Variants in C5orf22 observed in about 807,000 individuals in gnomAD.
The protein encoded by C5orf22 is chromosome 5 open reading frame 22.
Under a neutral mutation model 48.7 loss-of-function variants are expected in C5orf22, and 36 were observed. The observed-to-expected ratio is 0.74, with a 90% CI of 0.57 to 0.98. The LOEUF (loss-of-function observed/expected upper bound fraction) is 0.98, where lower values mean the gene tolerates loss of function less well. Among genes scored for constraint, C5orf22 ranks in the 50% least tolerant of loss-of-function variants. The pLI, the probability that C5orf22 is intolerant of heterozygous loss-of-function variation, is 0.00. For missense variants in C5orf22, 486 were observed against 521.9 expected (o/e 0.93, Z 0.67); for synonymous variants, 141 against 180.8 (o/e 0.78, Z 1.76).
Position 31,545,673 on chromosome 5 carries a change from G to C in C5orf22, c.1020G>C (p.Gln340His). 1 of 1,610,896 alleles carries C rather than the reference G, an allele frequency of 6.2e-7. No individual in the cohort carries two copies. The change falls in exon 7 of 9, where the codon CAG (glutamine) becomes CAC (histidine). Residue 340 changes from glutamine to histidine, a missense_variant. Physicochemically the swap from Gln to His is conservative, Grantham distance 24. Coordinates refer to ENST00000325366, the MANE Select transcript of C5orf22 (RefSeq NM_018356.3). The part of the protein sequence containing the change: ...PGMESLVPLV[Q>H]SLKKRMEVPD... ...TGGAATCACTAGTTCCCCTTGTACAGAGTTTGAAAAAACGGATGGAAGTAC... is the reference window on the plus strand; with the variant it reads ...TGGAATCACTAGTTCCCCTTGTACACAGTTTGAAAAAACGGATGGAAGTAC...
chr5:31,541,231 G>T lies in C5orf22; in HGVS notation c.871-50G>T. ...TTTTTTTTGTAATGGGATGTTGCTT[G>T]TTTTTTGAAAGAATAACTATATAAT... On this transcript the variant is annotated intron_variant, in intron 5 of 8. Transcript: ENST00000325366. The T allele has an allele frequency of 6.4e-7, 1 of 1,568,372 alleles. No individual in the cohort carries two copies. Among genetic ancestry groups the T allele is most frequent in the African/African-American group, 1.4e-5 (1 of 73,096 alleles).
Position 31,532,331 on chromosome 5 carries a change from C to G in C5orf22, c.-62C>G. On this transcript the variant is annotated 5_prime_UTR_variant, in exon 1 of 9. Coordinates refer to ENST00000325366, the MANE Select transcript of C5orf22 (RefSeq NM_018356.3). ...GAGAGAGCTGGCCGGGATGAGGCGC[C>G]GGCTTTCCCGGGTCTTCTCCAGCTG... The G allele has an allele frequency of 6.4e-7, 1 of 1,565,396 alleles. No individual in the cohort carries two copies. The highest frequency in any genetic ancestry group is 8.8e-7 in the Non-Finnish European group (1 of 1,136,860).
intron 7 of C5orf22, among the ~76,000 whole-genome samples, chr5:31,549,751 C>T (rs1419045760): frequency 1.3e-5 from 2 of 152,032 alleles, no homozygotes; most frequent in Non-Finnish European, 2.9e-5. Context: ...TGGTGCACAC[C>T]TGTAGTCCCA....
rs949763554 is a variant in C5orf22, at chr5:31,539,778, C to T, written c.807+1089C>T. On this transcript the variant is annotated intron_variant, in intron 4 of 8. Transcript: ENST00000325366. ...CATGTTCAGGCTGGGCATGGTGGCT[C>T]ATGCGTATAATCCCAGCACTTTGGG... Among the ~76,000 whole-genome samples the T allele has an allele frequency of 3.3e-5, 5 of 151,790 alleles. No individual in the cohort carries two copies. In the East Asian group the frequency reaches 7.7e-4, roughly 23 times the overall value.
chr5:31,534,989 A>T (rs1315260067), intron 2 of C5orf22: 2 of 455,096 alleles, frequency 4.4e-6, no homozygotes, highest in Non-Finnish European at 4.4e-6. Context: ...CTATTTCTGC[A>T]TTTAGTCCAT....
chr5:31,549,486 G>T (rs1234342551), intron 7 of C5orf22, among the ~76,000 whole-genome samples: 1 of 151,678 alleles, frequency 6.6e-6, no homozygotes, highest in Admixed American at 6.6e-5. Context: ...TTTCCCCTGG[G>T]AGCATATATT....
intron 2 of C5orf22, chr5:31,534,866 AG>A (rs1269711746): frequency 1.1e-5 from 4 of 373,710 alleles, no homozygotes; most frequent in Non-Finnish European, 2.1e-5. Flanking sequence ...CAACATAACC[AG>A]ACCCCATCTC....
At chr5:31,537,594 G>A (rs1462201735) in intron 3 of C5orf22, among the ~76,000 whole-genome samples, 1 of 152,172 alleles carries the variant, frequency 6.6e-6, no homozygotes, top group Non-Finnish European at 1.5e-5. Context: ...TTCACTGTTT[G>A]AAGTATTTAC....
At chr5:31,541,978 T>C (rs1455231447) in intron 6 of C5orf22, among the ~76,000 whole-genome samples, 2 of 152,108 alleles carry the variant, frequency 1.3e-5, no homozygotes, top group Non-Finnish European at 2.9e-5. Flanking sequence ...CCAAGTCACA[T>C]AGTAAGTGGG....
chr5:31,548,421 T>C (rs913417687), intron 7 of C5orf22: 1 of 309,338 alleles, frequency 3.2e-6, no homozygotes, highest in African/African-American at 2.2e-5. Context: ...GTTCCACACA[T>C]CTCTAGGGCA....
rs1742254121 is a variant in C5orf22, at chr5:31,538,534, C to G, written c.652C>G (p.Pro218Ala). 1 of 1,613,998 alleles carries G rather than the reference C, an allele frequency of 6.2e-7. No individual in the cohort carries two copies. The highest frequency in any genetic ancestry group is 1.3e-5 in the African/African-American group (1 of 74,918). The stretch of plus-strand genomic sequence containing the variant: ...GAGAAGTGACCAGACTTGCCTAGAA[C>G]CATCATGTTCATGTTCTTCTGAAAA... ...TQRSDQTCLEPSCSCSSENQE... is the reference protein window; with the variant it reads ...TQRSDQTCLEASCSCSSENQE... The change falls in exon 4 of 9, where the codon CCA becomes GCA. Residue 218 changes from proline (P) to alanine (A), a missense_variant. Coordinates refer to ENST00000325366, the MANE Select transcript of C5orf22 (RefSeq NM_018356.3).
chr5:31,535,060 T>C (rs1251173075), intron 2 of C5orf22: 3 of 449,958 alleles, frequency 6.7e-6, no homozygotes, highest in African/African-American at 4.0e-5. Context: ...AGGCATGTAA[T>C]TGGAAAAGGA....
intron 6 of C5orf22, among the ~76,000 whole-genome samples, chr5:31,541,862 AAG>A (rs1742490377): frequency 6.6e-6 from 1 of 152,206 alleles, no homozygotes; most frequent in Non-Finnish European, 1.5e-5. Context: ...CCCTTTATCT[AAG>A]ATTTTTCCTT....
chr5:31,534,474 A>G (rs1741955292), intron 2 of C5orf22, 57 bp downstream of exon 2: 1 of 1,463,616 alleles, frequency 6.8e-7, no homozygotes, highest in African/African-American at 1.4e-5. Flanking sequence ...TGCAGTAGAT[A>G]ATAAGCAATT....
chr5:31,548,076 C>T (rs1281487105), intron 7 of C5orf22, among the ~76,000 whole-genome samples: 3 of 152,100 alleles, frequency 2.0e-5, no homozygotes, highest in East Asian at 1.9e-4. Context: ...CCAAGGCTGG[C>T]GGATCATTTG....
In C5orf22 at chr5:31,554,250, C is replaced by T. The variant is rs1286514628; in HGVS notation, c.*1348C>T. 6.6e-6 allele frequency: 1 copy of T among 152,218 alleles called. No homozygotes were observed. The highest frequency in any genetic ancestry group is 1.9e-4 in the East Asian group (1 of 5,196). The allele number at this position is 152,218 out of a possible 1,614,324, so 9.4% of individuals were successfully genotyped here. Reference sequence around the variant, plus strand: ...CAGTTCTTTTCACTCTTGCTTGTAACTTTCAGGCCTTACCCACATGTGTTC... The same window carrying T: ...CAGTTCTTTTCACTCTTGCTTGTAATTTTCAGGCCTTACCCACATGTGTTC... On this transcript the variant is annotated 3_prime_UTR_variant, in exon 9 of 9. Coordinates refer to ENST00000325366, the MANE Select transcript of C5orf22 (RefSeq NM_018356.3).
intron 6 of C5orf22, among the ~76,000 whole-genome samples, chr5:31,542,534 A>G (rs932186737): frequency 1.1e-4 from 17 of 151,804 alleles, no homozygotes; most frequent in African/African-American, 3.6e-4. Flanking sequence ...GGGTATTTTC[A>G]ATCTCTTGAC....
At chr5:31,544,643 A>G (rs1407952814) in intron 6 of C5orf22, among the ~76,000 whole-genome samples, 1 of 152,002 alleles carries the variant, frequency 6.6e-6, no homozygotes, top group Admixed American at 6.6e-5. Flanking sequence ...TCCGATTATA[A>G]TTGTATTTAC....
intron 7 of C5orf22, among the ~76,000 whole-genome samples, chr5:31,547,494 T>C (rs1742969822): frequency 6.6e-6 from 1 of 152,248 alleles, no homozygotes; most frequent in Non-Finnish European, 1.5e-5. Context: ...GCAGGGGTTC[T>C]CCATGAGGGG....
Sources: gnomAD v4.1 joint callset for allele counts (sites outside exome capture counted in the v4.1 genomes callset) on GRCh38, gnomAD v4.1.1 for gene constraint, MANE v1.5 for transcripts, NCBI Gene and HGNC (gene_info 2026-07-23, HGNC 2026-07-21) for gene names.